The following SH3RF3 variants were observed in gnomAD, a reference collection of about 807,000 sequenced individuals.
SH3RF3 encodes the protein E3 ubiquitin-protein ligase SH3RF3.
SH3RF3 carries 29 observed loss-of-function variants against 66.3 expected under a neutral mutation model. That is an observed-to-expected ratio of 0.44 (90% CI 0.33 to 0.60). SH3RF3 has a LOEUF of 0.60. SH3RF3 is among the 20% of genes least tolerant of loss of function. SH3RF3 has a pLI of 0.04. For missense variants in SH3RF3, 1,194 were observed against 1,190.9 expected (o/e 1.00, Z -0.04); for synonymous variants, 583 against 532.0 (o/e 1.10, Z -1.32).
At chr2:109,406,259 C>T (rs528918934) in intron 4 of SH3RF3, among the ~76,000 whole-genome samples, 2 of 152,006 alleles carry the variant, frequency 1.3e-5, no homozygotes, top group African/African-American at 4.8e-5. Context: ...AGGCCAACTC[C>T]ACTATGACAC....
intron 1 of SH3RF3, among the ~76,000 whole-genome samples, chr2:109,299,105 C>T (rs1222783256): frequency 6.6e-6 from 1 of 152,212 alleles, no homozygotes; most frequent in Non-Finnish European, 1.5e-5. Context: ...TCCCCCAGGG[C>T]ATTTGCAGAT....
At chr2:109,431,030 T>A (rs1323643891) in intron 5 of SH3RF3, among the ~76,000 whole-genome samples, 1 of 152,246 alleles carries the variant, frequency 6.6e-6, no homozygotes, top group Non-Finnish European at 1.5e-5. Flanking sequence ...GCCAAGAAAC[T>A]TTTAATCTCT....
At chr2:109,434,939 A>T (rs1313956080) in intron 6 of SH3RF3, among the ~76,000 whole-genome samples, 2 of 152,180 alleles carry the variant, frequency 1.3e-5, no homozygotes, top group African/African-American at 4.8e-5. Context: ...TTGTTATGGG[A>T]AGATCCTCCA....
Position 109,129,353 on chromosome 2 carries a change from CCCCGCCACGCAGGCCGG to C in SH3RF3, c.-187_-171del, listed in dbSNP as rs1279015511. On this transcript the variant is annotated 5_prime_UTR_variant, in exon 1 of 10. Transcript: ENST00000309415. ...GCCGGTCCCCGCCACGCAGGCCGGT[CCCCGCCACGCAGGCCGG>C]TCGGTGAGCCACTTCGCACCGCCAC... 13 of 890,064 alleles carry C rather than the reference CCCCGCCACGCAGGCCGG, an allele frequency of 1.5e-5. No homozygotes were observed. The highest frequency in any genetic ancestry group is 3.0e-5 in the South Asian group (2 of 66,438). The allele number at this position is 890,064 out of a possible 1,614,324, so 55.1% of individuals were successfully genotyped here. A position where few individuals can be genotyped will look rare whatever the true frequency, so the allele number is the denominator to read the frequency against.
At chr2:109,425,959 A>G (rs962959664) in intron 5 of SH3RF3, among the ~76,000 whole-genome samples, 2 of 152,010 alleles carry the variant, frequency 1.3e-5, no homozygotes, top group Non-Finnish European at 2.9e-5. Context: ...GTGCAGTGGC[A>G]TGATCTTGGC....
chr2:109,159,326 G>A (rs1284686098), intron 1 of SH3RF3, among the ~76,000 whole-genome samples: 1 of 152,206 alleles, frequency 6.6e-6, no homozygotes, highest in Admixed American at 6.5e-5. Flanking sequence ...TCGTCCTGCC[G>A]AGAGGGTGCT....
At chr2:109,297,330 C>T (rs1681339556) in intron 1 of SH3RF3, among the ~76,000 whole-genome samples, 1 of 152,118 alleles carries the variant, frequency 6.6e-6, no homozygotes, top group South Asian at 2.1e-4. Context: ...AGACCCTTTG[C>T]TCAGTTGAGA....
At chr2:109,492,981 A>T (rs1174958752) in intron 9 of SH3RF3, among the ~76,000 whole-genome samples, 2 of 151,872 alleles carry the variant, frequency 1.3e-5, no homozygotes, top group African/African-American at 4.8e-5. Context: ...GACTGGGTTC[A>T]CACTGCACAC....
intron 1 of SH3RF3, among the ~76,000 whole-genome samples, chr2:109,218,355 AT>A (rs1679150261): frequency 6.6e-6 from 1 of 152,194 alleles, no homozygotes; most frequent in African/African-American, 2.4e-5. Context: ...TGTCCTTTCA[AT>A]TCAAAATATG....
At chr2:109,283,855 G>A (rs1443793294) in intron 1 of SH3RF3, among the ~76,000 whole-genome samples, 2 of 152,212 alleles carry the variant, frequency 1.3e-5, no homozygotes, top group African/African-American at 4.8e-5. Flanking sequence ...AGCCACTGGG[G>A]ATGCTGGGGA....
chr2:109,397,989 T>A (rs1676196188), intron 3 of SH3RF3, among the ~76,000 whole-genome samples: 1 of 152,180 alleles, frequency 6.6e-6, no homozygotes, highest in South Asian at 2.1e-4. Context: ...TATTGACACC[T>A]CCTGGGGTAT....
At chr2:109,267,532 C>T (rs755756239) in intron 1 of SH3RF3, among the ~76,000 whole-genome samples, 3 of 152,134 alleles carry the variant, frequency 2.0e-5, no homozygotes, top group Non-Finnish European at 2.9e-5. Context: ...TTGATCAGCC[C>T]CACTCCCTTC....
At chr2:109,491,556 G>A (rs990716429) in intron 9 of SH3RF3, among the ~76,000 whole-genome samples, 1 of 152,168 alleles carries the variant, frequency 6.6e-6, no homozygotes, top group African/African-American at 2.4e-5. Context: ...TCTGGTTGAG[G>A]CAACATGGCC....
chr2:109,158,470 C>T (rs1314846098), intron 1 of SH3RF3, among the ~76,000 whole-genome samples: 1 of 152,158 alleles, frequency 6.6e-6, no homozygotes, highest in Non-Finnish European at 1.5e-5. Flanking sequence ...TTCAGTCCCC[C>T]AAGGCTCAGC....
chr2:109,282,685 T>G (rs746297252), intron 1 of SH3RF3, among the ~76,000 whole-genome samples: 1 of 152,222 alleles, frequency 6.6e-6, no homozygotes, highest in African/African-American at 2.4e-5. Context: ...TTAAAGTGGG[T>G]CTGGCTGGTC....
chr2:109,178,452 T>TAGCA lies in SH3RF3; in HGVS notation c.573+48340_573+48343dup, dbSNP rs1677981386. Among the ~76,000 whole-genome samples, 3 of 152,228 alleles carry TAGCA rather than the reference T, an allele frequency of 2.0e-5. No individual in the cohort carries two copies. In the South Asian group the frequency reaches 6.2e-4, roughly 32 times the overall value. On this transcript the variant is annotated intron_variant, in intron 1 of 9. Coordinates refer to ENST00000309415, the MANE Select transcript of SH3RF3 (RefSeq NM_001099289.3). ...TTTGTGAGCTCTAGATGGTCTCCTG[T>TAGCA]AGCAGGTCCTCCAGAGATATTATAC...
chr2:109,343,398 G>C (rs1682602279), intron 1 of SH3RF3, among the ~76,000 whole-genome samples: 1 of 151,546 alleles, frequency 6.6e-6, no homozygotes, highest in African/African-American at 2.4e-5. Flanking sequence ...AATGTGTCCT[G>C]CATCTTAAAA....
chr2:109,376,847 C>A (rs778230236), intron 3 of SH3RF3, among the ~76,000 whole-genome samples: 3 of 152,172 alleles, frequency 2.0e-5, no homozygotes. Flanking sequence ...CAGTAAAGGG[C>A]GGGGAGGAAG....
At chr2:109,278,548 C>T (rs998848392) in intron 1 of SH3RF3, among the ~76,000 whole-genome samples, 1 of 152,194 alleles carries the variant, frequency 6.6e-6, no homozygotes, top group Non-Finnish European at 1.5e-5. Context: ...GAATGTCGGG[C>T]CCCAATGTCA....
Sources: allele counts gnomAD v4.1 joint callset (sites outside exome capture counted in the v4.1 genomes callset), GRCh38; gene constraint gnomAD v4.1.1; transcripts MANE v1.5; gene names NCBI Gene and HGNC (gene_info 2026-07-23, HGNC 2026-07-21).